The following ERBB4 variants were observed in gnomAD, a reference collection of about 807,000 sequenced individuals.
ERBB4 encodes the protein receptor tyrosine-protein kinase erbB-4.
In ERBB4, 42 loss-of-function variants were observed where a neutral mutation model predicts 158.0. That is an observed-to-expected ratio of 0.27 (90% CI 0.21 to 0.34). The LOEUF is 0.34. Ranked by LOEUF, ERBB4 falls within the 10% of genes least tolerant of loss-of-function variation. The probability of loss-of-function intolerance (pLI) is 1.00; values close to 1 mark genes in which losing one functional copy is unlikely to be tolerated. For missense variants in ERBB4, 1,333 were observed against 1,624.1 expected (o/e 0.82, Z 3.08); for synonymous variants, 583 against 558.7 (o/e 1.04, Z -0.61).
At chr2:212,342,172 T>C (rs1181969398) in intron 1 of ERBB4, among the ~76,000 whole-genome samples, 2 of 152,150 alleles carry the variant, frequency 1.3e-5, no homozygotes, top group African/African-American at 2.4e-5. Flanking sequence ...GCTGAGGTGT[T>C]GCTTATATTA....
intron 21 of ERBB4, among the ~76,000 whole-genome samples, chr2:211,430,477 G>A (rs139192056): frequency 1.1e-4 from 16 of 152,270 alleles, no homozygotes; most frequent in African/African-American, 3.6e-4. Flanking sequence ...AAAGGTAGAC[G>A]AGGCAGTGGC....
chr2:211,584,884 A>AT (rs533360043), intron 19 of ERBB4, among the ~76,000 whole-genome samples: 268 of 151,984 alleles, frequency 1.8e-3, no homozygotes, highest in African/African-American at 6.1e-3. Context: ...TCCATTTATA[A>AT]TTTTCTTTCT....
At chr2:211,586,731 T>C (rs374359613) in intron 19 of ERBB4, among the ~76,000 whole-genome samples, 2 of 152,286 alleles carry the variant, frequency 1.3e-5, no homozygotes, top group African/African-American at 4.8e-5. Flanking sequence ...TTTGAAACCA[T>C]AGTAAAACTT....
chr2:211,755,529 T>C (rs2075271039), intron 4 of ERBB4, among the ~76,000 whole-genome samples: 2 of 152,096 alleles, frequency 1.3e-5, no homozygotes, highest in Non-Finnish European at 2.9e-5. Context: ...AATGAATAAA[T>C]AAAATAAAAA....
chr2:212,314,298 G>A (rs566971964), intron 1 of ERBB4, among the ~76,000 whole-genome samples: 10 of 150,494 alleles, frequency 6.6e-5, no homozygotes, highest in African/African-American at 1.5e-4. Context: ...ACATTTTTAC[G>A]TTAATTTTTT....
intron 13 of ERBB4, 34 bp from the exon 14 acceptor site, chr2:211,673,291 G>C: frequency 6.9e-7 from 1 of 1,455,896 alleles, no homozygotes; most frequent in Non-Finnish European, 9.7e-7. Flanking sequence ...GGAGGTGTAA[G>C]CAAACAAGCG....
intron 19 of ERBB4, among the ~76,000 whole-genome samples, chr2:211,579,549 A>G (rs1205372214): frequency 6.6e-6 from 1 of 152,196 alleles, no homozygotes; most frequent in Non-Finnish European, 1.5e-5. Flanking sequence ...GAATCAACCC[A>G]AATGCCTATC....
In ERBB4 at chr2:211,476,425, G is replaced by A. The variant is rs371188961; in HGVS notation, c.2488-45325C>T. Among the ~76,000 whole-genome samples the A allele has an allele frequency of 1.4e-4, 21 of 152,198 alleles. No individual in the cohort carries two copies. In the East Asian group the frequency reaches 1.7e-3, roughly 13 times the overall value. On this transcript the variant is annotated intron_variant, in intron 20 of 27. Transcript: ENST00000342788. ...GTGGACCAGAGTTGAATTTGAGGAA[G>A]AGTATTTGAAGGGAAGGATTTATTG...
rs970946628 is a variant in ERBB4, at chr2:211,713,367, T to C, written c.997+168A>G. Among the ~76,000 whole-genome samples, 6 of 152,156 alleles carry C rather than the reference T, an allele frequency of 3.9e-5. No homozygotes were observed. In the East Asian group the frequency reaches 7.7e-4, roughly 19 times the overall value. Reference sequence around the variant, plus strand: ...AAAATTCAAACTCAATAATATACAGTGCTATAAAAGTTCATATTTTGAGTA... The same window carrying C: ...AAAATTCAAACTCAATAATATACAGCGCTATAAAAGTTCATATTTTGAGTA... On this transcript the variant is annotated intron_variant, in intron 8 of 27. Transcript: ENST00000342788.
intron 1 of ERBB4, among the ~76,000 whole-genome samples, chr2:212,346,643 T>C (rs1418862639): frequency 6.6e-6 from 1 of 151,946 alleles, no homozygotes; most frequent in East Asian, 1.9e-4. Flanking sequence ...TATTGTCAAG[T>C]TATATTTGAT....
intron 3 of ERBB4, among the ~76,000 whole-genome samples, chr2:211,802,191 G>T (rs889585420): frequency 1.3e-5 from 2 of 151,924 alleles, no homozygotes; most frequent in Non-Finnish European, 2.9e-5. Context: ...CTCGGGAGGC[G>T]GAGCTTGCAG....
chr2:212,399,545 C>CATATATATATATATAT (rs869111881), intron 1 of ERBB4, among the ~76,000 whole-genome samples: 18 of 38,048 alleles, frequency 4.7e-4, no homozygotes, highest in East Asian at 1.3e-3. Flanking sequence ...TTTATATATA[C>CATATATATATATATAT]ATATATATAT....
At chr2:211,828,079 A>G (rs140536606) in intron 3 of ERBB4, among the ~76,000 whole-genome samples, 8 of 152,276 alleles carry the variant, frequency 5.3e-5, no homozygotes, top group African/African-American at 1.9e-4. Context: ...AGGATAATAT[A>G]TGAGTTTAAG....
At chr2:212,305,202 A>G (rs550335304) in intron 1 of ERBB4, among the ~76,000 whole-genome samples, 1 of 151,496 alleles carries the variant, frequency 6.6e-6, no homozygotes, top group East Asian at 2.0e-4. Context: ...AACCAAATCT[A>G]TTCCCTAAGT....
At chr2:211,396,449 T>C (rs2062920430) in intron 25 of ERBB4, among the ~76,000 whole-genome samples, 1 of 152,188 alleles carries the variant, frequency 6.6e-6, no homozygotes, top group African/African-American at 2.4e-5. Flanking sequence ...TAGAGTTATT[T>C]ACTGGCAAAT....
chr2:212,308,736 T>C (rs2086908242), intron 1 of ERBB4, among the ~76,000 whole-genome samples: 1 of 151,008 alleles, frequency 6.6e-6, no homozygotes, highest in East Asian at 2.0e-4. Context: ...CAGGCATGTA[T>C]TTCCTTGAGG....
intron 9 of ERBB4, among the ~76,000 whole-genome samples, chr2:211,709,620 C>T (rs1195632983): frequency 6.6e-6 from 1 of 152,042 alleles, no homozygotes; most frequent in African/African-American, 2.4e-5. Context: ...CTATAGTTTA[C>T]AGCAGTTATC....
intron 2 of ERBB4, among the ~76,000 whole-genome samples, chr2:212,002,707 A>G (rs566876716): frequency 1.3e-5 from 2 of 152,272 alleles, no homozygotes; most frequent in African/African-American, 4.8e-5. Flanking sequence ...AGAATTTTGC[A>G]TTTCCATAAA....
At chr2:211,723,949 C>T (rs1226168696) in intron 6 of ERBB4, among the ~76,000 whole-genome samples, 1 of 152,176 alleles carries the variant, frequency 6.6e-6, no homozygotes, top group Non-Finnish European at 1.5e-5. Flanking sequence ...GCTCACTCAG[C>T]ACTGTGCTTA....
Sources: gnomAD v4.1 joint callset for allele counts (sites outside exome capture counted in the v4.1 genomes callset) on GRCh38, gnomAD v4.1.1 for gene constraint, MANE v1.5 for transcripts, NCBI Gene and HGNC (gene_info 2026-07-23, HGNC 2026-07-21) for gene names.